Variants in IQSEC1 observed in about 807,000 individuals in gnomAD.
IQSEC1 encodes IQ motif and SEC7 domain-containing protein 1.
In IQSEC1, 31 loss-of-function variants were observed where a neutral mutation model predicts 91.0. The ratio of observed to expected loss-of-function variants is 0.34; its 90% confidence interval spans 0.26 to 0.46. The LOEUF (loss-of-function observed/expected upper bound fraction) is 0.46. Ranked by LOEUF, IQSEC1 falls within the 20% of genes least tolerant of loss-of-function variation. The pLI, the probability that IQSEC1 is intolerant of heterozygous loss-of-function variation, is 1.00. For missense variants in IQSEC1, 1,388 were observed against 1,575.6 expected (o/e 0.88, Z 2.02); for synonymous variants, 699 against 662.6 (o/e 1.05, Z -0.84).
chr3:13,186,974 C>G (rs1224147056), intron 1 of IQSEC1, among the ~76,000 whole-genome samples: 1 of 151,692 alleles, frequency 6.6e-6, no homozygotes, highest in Non-Finnish European at 1.5e-5. Flanking sequence ...ACTTCCTTCC[C>G]TCCCTCCTTC....
intron 1 of IQSEC1, among the ~76,000 whole-genome samples, chr3:13,256,217 G>C (rs1032128852): frequency 2.0e-5 from 3 of 152,188 alleles, no homozygotes; most frequent in Admixed American, 6.5e-5. Flanking sequence ...GACGGTGACA[G>C]CTGCACACTG....
intron 2 of IQSEC1, among the ~76,000 whole-genome samples, chr3:13,107,860 T>G (rs141157526): frequency 2.0e-3 from 311 of 152,350 alleles, no homozygotes; most frequent in Non-Finnish European, 2.8e-3. Flanking sequence ...CCCAGCGGCC[T>G]GCTCCCTCCC....
At chr3:13,134,443 C>A (rs1316848572) in intron 2 of IQSEC1, among the ~76,000 whole-genome samples, 2 of 152,254 alleles carry the variant, frequency 1.3e-5, no homozygotes, top group Non-Finnish European at 2.9e-5. Flanking sequence ...TCACCAGGAG[C>A]CTGGGCGTCC....
chr3:13,189,342 C>T (rs926662477), intron 1 of IQSEC1, among the ~76,000 whole-genome samples: 4 of 152,176 alleles, frequency 2.6e-5, no homozygotes, highest in Non-Finnish European at 4.4e-5. Context: ...TGGGGTGAAC[C>T]CCAATCCCCA....
At chr3:13,023,779 C>G (rs1346891309) in intron 1 of IQSEC1, among the ~76,000 whole-genome samples, 1 of 152,252 alleles carries the variant, frequency 6.6e-6, no homozygotes, top group Admixed American at 6.5e-5. Flanking sequence ...AAGGCTGTGG[C>G]CTCCCTGGGG....
Position 12,900,999 on chromosome 3 carries a change from A to G in IQSEC1, c.3329T>C (p.Ile1110Thr), listed in dbSNP as rs1432349003. Residue 1110 changes from isoleucine to threonine, a missense_variant, in exon 14 of 14, where the codon ATC becomes ACC. By Grantham distance (89) the Ile-to-Thr change is moderately conservative (BLOSUM62 -1). This residue lies in a region of IQSEC1 where 329 missense variants were observed against 257.8 expected (regional missense o/e 1.28). Coordinates refer to ENST00000613206, the MANE Select transcript of IQSEC1 (RefSeq NM_001134382.3). ...CCAGGCTGTCTACACAATTGTGCTG[A>G]TGCCGCTGGGTTTGGCCTTGCTGCT... ...PTSSKAKPSG[I>T]STIV 8 of 1,539,520 alleles carry G rather than the reference A, an allele frequency of 5.2e-6. No individual in the cohort carries two copies. Among genetic ancestry groups the G allele is most frequent in the Non-Finnish European group, 6.1e-6 (7 of 1,143,752 alleles).
intron 1 of IQSEC1, among the ~76,000 whole-genome samples, chr3:13,256,835 G>A (rs1695294128): frequency 6.6e-6 from 1 of 152,168 alleles, no homozygotes; most frequent in South Asian, 2.1e-4. Context: ...GAGGAGAGCA[G>A]AGGGAGAGCC....
intron 1 of IQSEC1, among the ~76,000 whole-genome samples, chr3:13,220,091 C>G (rs1014960884): frequency 6.6e-6 from 1 of 152,246 alleles, no homozygotes; most frequent in African/African-American, 2.4e-5. Flanking sequence ...GACACTATTT[C>G]TAAACCCCAG....
intron 1 of IQSEC1, among the ~76,000 whole-genome samples, chr3:13,188,436 G>C (rs1232830243): frequency 6.6e-6 from 1 of 152,218 alleles, no homozygotes; most frequent in African/African-American, 2.4e-5. Context: ...GCCAGGCACT[G>C]TTGTATGAAC....
At chr3:12,954,380 C>T (rs545237970) in intron 1 of IQSEC1, among the ~76,000 whole-genome samples, 3 of 152,268 alleles carry the variant, frequency 2.0e-5, no homozygotes, top group Admixed American at 1.3e-4. Context: ...GGAAAGAGCC[C>T]GAGGGCCTTG....
chr3:12,920,437 G>A lies in IQSEC1; in HGVS notation c.2013C>T (p.Asn671=), dbSNP rs775169070. 7.4e-6 allele frequency: 12 copies of A among 1,614,042 alleles called. No homozygotes were observed. Among genetic ancestry groups the A allele is most frequent in the Non-Finnish European group, 1.0e-5 (12 of 1,179,900 alleles). The change falls in exon 6 of 14, where the codon AAC becomes AAT. Residue 671 remains asparagine, a synonymous_variant. Transcript: ENST00000613206. ...RKMKLEDFIK[N]LRGVDDGEDI... Reference sequence around the variant, plus strand: ...CCGCCTGAGACAGCTCACCTCGGAGGTTCTTGATGAAGTCCTCTAGCTTCA... The same window carrying A: ...CCGCCTGAGACAGCTCACCTCGGAGATTCTTGATGAAGTCCTCTAGCTTCA...
intron 1 of IQSEC1, among the ~76,000 whole-genome samples, chr3:13,003,276 C>CAAAAAAAAAAA (rs56239928): frequency 3.5e-5 from 2 of 57,106 alleles, no homozygotes; most frequent in Non-Finnish European, 6.4e-5. Flanking sequence ...CTGTCTCTAC[C>CAAAAAAAAAAA]AAAAAAAAAA....
intron 2 of IQSEC1, among the ~76,000 whole-genome samples, chr3:13,082,975 G>A (rs1054999543): frequency 5.3e-5 from 8 of 152,278 alleles, no homozygotes; most frequent in East Asian, 1.9e-4. Context: ...CTCCAGGCAC[G>A]GCAGAGTGTC....
chr3:13,241,065 C>T (rs1296603459), intron 1 of IQSEC1, among the ~76,000 whole-genome samples: 1 of 152,248 alleles, frequency 6.6e-6, no homozygotes, highest in East Asian at 1.9e-4. Flanking sequence ...GGTCTGAAGA[C>T]ACCAGAATGT....
chr3:13,171,830 C>A lies in IQSEC1; in HGVS notation c.273-7697G>T, dbSNP rs552087532. 4.0e-4 allele frequency among the ~76,000 whole-genome samples: 61 copies of A among 152,328 alleles called. No homozygotes were observed. The South Asian group carries it at 4.6e-3, about 11-fold the overall frequency. On this transcript the variant is annotated intron_variant, in intron 1 of 15. Coordinates refer to the IQSEC1 transcript ENST00000648114. ...TCTGACTTCAGCAGAGAGCTTCCTGCCCAGGGCTTGGTGTGTGAGAGGCTC... is the reference window on the plus strand; with the variant it reads ...TCTGACTTCAGCAGAGAGCTTCCTGACCAGGGCTTGGTGTGTGAGAGGCTC...
intron 2 of IQSEC1, among the ~76,000 whole-genome samples, chr3:13,119,972 T>C (rs2648704): frequency 0.9 from 136,637 of 152,204 alleles, 61,555 homozygotes; most frequent in African/African-American, 0.97. Flanking sequence ...TGGCCAACGC[T>C]GGAGGTGGGC....
chr3:12,924,751 G>T lies in IQSEC1; in HGVS notation c.1569-9C>A. 6.4e-7 allele frequency: 1 copy of T among 1,555,328 alleles called. No homozygotes were observed. Among genetic ancestry groups the T allele is most frequent in the Non-Finnish European group, 8.7e-7 (1 of 1,144,712 alleles). On this transcript the variant is annotated splice_polypyrimidine_tract_variant and intron_variant, in intron 3 of 13. Coordinates refer to ENST00000613206, the MANE Select transcript of IQSEC1 (RefSeq NM_001134382.3). This position sits in a 1 kb window ranked among gnomAD's most constrained non-coding sequence, Gnocchi z 6.3. ...CTCCCTTCTCAGGCTTCCTGGGGTA[G>T]GACGAGAGGCACACTCAGTCCCAGC... is the stretch of plus-strand genomic sequence containing the variant.
chr3:12,941,475 T>C, intron 2 of IQSEC1, 96 bp downstream of exon 2: 5 of 1,263,498 alleles, frequency 4.0e-6, no homozygotes, highest in East Asian at 2.6e-5. Flanking sequence ...CTCAAGTCTA[T>C]GGGAGAGATC....
At chr3:13,196,821 G>A (rs899114951) in intron 1 of IQSEC1, among the ~76,000 whole-genome samples, 4 of 151,768 alleles carry the variant, frequency 2.6e-5, no homozygotes, top group Non-Finnish European at 5.9e-5. Context: ...CCCATCCCAG[G>A]AAGTCCAGAA....
Sources: gnomAD v4.1 joint callset for allele counts (sites outside exome capture counted in the v4.1 genomes callset) on GRCh38, gnomAD v4.1.1 for gene constraint, gnomAD v4.1.1 regional missense constraint, Gnocchi (gnomAD v3.1) non-coding constraint, MANE v1.5 for transcripts, NCBI Gene and HGNC (gene_info 2026-07-23, HGNC 2026-07-21) for gene names.